TSHZ3: variants seen among roughly 807,000 people sequenced by gnomAD.
TSHZ3 encodes the protein teashirt homolog 3.
TSHZ3 carries 10 observed loss-of-function variants against 64.5 expected under a neutral mutation model. The ratio of observed to expected loss-of-function variants is 0.16; its 90% confidence interval spans 0.10 to 0.26. The LOEUF is 0.26. Among genes scored for constraint, TSHZ3 ranks in the 10% least tolerant of loss-of-function variants. The pLI, the probability that TSHZ3 is intolerant of heterozygous loss-of-function variation, is 1.00. For synonymous variants in TSHZ3, 608 were observed against 593.1 expected, an observed-to-expected ratio of 1.03 and a Z score of -0.36; for missense variants, 1,242 against 1,421.7, an observed-to-expected ratio of 0.87 and a Z score of 2.03.
At chr19:31,182,069 G>A (rs1303146628) in intron 5 of TSHZ3, among the ~76,000 whole-genome samples, 14 of 152,146 alleles carry the variant, frequency 9.2e-5, no homozygotes, top group Admixed American at 3.3e-4. Context: ...CATCCTGAGA[G>A]CCGCATGCTC....
chr19:31,319,368 T>A (rs1477553935), intron 1 of TSHZ3, among the ~76,000 whole-genome samples: 1 of 152,242 alleles, frequency 6.6e-6, no homozygotes, highest in African/African-American at 2.4e-5. Flanking sequence ...CAATAAACAT[T>A]GTAAAGGTTT....
At chr19:31,286,649 A>G (rs1304676657) in intron 1 of TSHZ3, among the ~76,000 whole-genome samples, 1 of 152,160 alleles carries the variant, frequency 6.6e-6, no homozygotes, top group African/African-American at 2.4e-5. Flanking sequence ...AACTCCTAAG[A>G]CCCACACCCG....
At chr19:31,238,411 A>G (rs1233965015) in intron 3 of TSHZ3, among the ~76,000 whole-genome samples, 1 of 151,884 alleles carries the variant, frequency 6.6e-6, no homozygotes, top group Non-Finnish European at 1.5e-5. Flanking sequence ...ACTCACCACT[A>G]CACCTGGCTA....
chr19:31,180,155 T>C (rs935724854), intron 5 of TSHZ3, among the ~76,000 whole-genome samples: 1 of 152,206 alleles, frequency 6.6e-6, no homozygotes, highest in Non-Finnish European at 1.5e-5. Context: ...TGATTATTAC[T>C]GTAGACTAGG....
chr19:31,304,857 C>T (rs1010716370), intron 1 of TSHZ3, among the ~76,000 whole-genome samples: 2 of 152,170 alleles, frequency 1.3e-5, no homozygotes, highest in Middle Eastern at 3.2e-3. Context: ...TTAACTGGAG[C>T]GCGATTCCCC....
chr19:31,311,113 C>T (rs1463328747), intron 1 of TSHZ3, among the ~76,000 whole-genome samples: 2 of 152,202 alleles, frequency 1.3e-5, no homozygotes, highest in African/African-American at 2.4e-5. Context: ...ATTCTCTCTC[C>T]GTCTCAGGCC....
intron 1 of TSHZ3, among the ~76,000 whole-genome samples, chr19:31,294,013 G>A (rs1254794848): frequency 6.6e-6 from 1 of 152,112 alleles, no homozygotes; most frequent in Non-Finnish European, 1.5e-5. Context: ...CCACGTCACA[G>A]AACAGAGACA....
downstream of TSHZ3, among the ~76,000 whole-genome samples, chr19:31,271,793 C>T (rs551443797): frequency 9.1e-4 from 139 of 152,234 alleles, 1 homozygote; most frequent in African/African-American, 3.2e-3. Flanking sequence ...AAAGAAGGCT[C>T]CTGTTTCCAT....
chr19:31,321,651 GCC>G (rs1916774443), intron 1 of TSHZ3, among the ~76,000 whole-genome samples: 1 of 152,150 alleles, frequency 6.6e-6, no homozygotes, highest in Non-Finnish European at 1.5e-5. Flanking sequence ...ACAACAGCAG[GCC>G]CGACGTGGAC....
In TSHZ3 at chr19:31,276,098, CATT is replaced by C. The variant is rs1223700803; in HGVS notation, c.*446_*448del. On this transcript the variant is annotated 3_prime_UTR_variant, in exon 2 of 2. Transcript: ENST00000240587. ...GGAGTTTAAAAAACAGAGCTTCATA[CATT>C]ATTATTATTTTATTTTATTTTTTAA... 1.3e-5 allele frequency: 2 copies of C among 153,158 alleles called. No homozygotes were observed. Among genetic ancestry groups the C allele is most frequent in the Non-Finnish European group, 1.5e-5 (1 of 68,496 alleles). The allele number at this position is 153,158 out of a possible 1,614,324, so 9.5% of individuals were successfully genotyped here. A position where few individuals can be genotyped will look rare whatever the true frequency, so the allele number is the denominator to read the frequency against.
At chr19:31,204,807 G>C (rs891526162) in intron 5 of TSHZ3, 4 of 152,200 alleles carry the variant, frequency 2.6e-5, no homozygotes, top group East Asian at 1.9e-4. Context: ...GGTGCACTGC[G>C]TCTCCTCTGC....
downstream of TSHZ3, among the ~76,000 whole-genome samples, chr19:31,274,205 A>G (rs1312292751): frequency 6.6e-6 from 1 of 151,906 alleles, no homozygotes; most frequent in Non-Finnish European, 1.5e-5. Flanking sequence ...GTATAATTCT[A>G]GGTTAGGAGC....
At chr19:31,281,648 A>G (rs1051737380) in intron 1 of TSHZ3, among the ~76,000 whole-genome samples, 6 of 152,196 alleles carry the variant, frequency 3.9e-5, no homozygotes, top group Non-Finnish European at 7.3e-5. Flanking sequence ...TAGGGCCAAG[A>G]CCAAATGCTT....
At chr19:31,150,002 T>C (rs764229896) in exon 7 of TSHZ3, among the ~76,000 whole-genome samples, 7 of 152,190 alleles carry the variant, frequency 4.6e-5, no homozygotes, top group African/African-American at 2.4e-5. Context: ...AATTATGTAT[T>C]TCATTAAGTA....
At chr19:31,161,478 T>TA in intron 5 of TSHZ3, among the ~76,000 whole-genome samples, 1 of 152,370 alleles carries the variant, frequency 6.6e-6, no homozygotes, top group Admixed American at 6.5e-5. Context: ...GTTTTGGAGA[T>TA]ATGGGATTCA....
chr19:31,224,216 G>A lies in TSHZ3; in HGVS notation n.686+3789C>T, dbSNP rs557919289. Among the ~76,000 whole-genome samples the A allele has an allele frequency of 2.6e-5, 4 of 152,306 alleles. 1 individual carries two copies. In the South Asian group the frequency reaches 8.3e-4, roughly 32 times the overall value. ...ACCATTTGTCTAAACCATGCTGTAT[G>A]CACTCTACTTTCTGATATGTATTGC... On this transcript the variant is annotated intron_variant and non_coding_transcript_variant, in intron 4 of 6. Coordinates refer to the TSHZ3 transcript ENST00000651361.
At chr19:31,204,231 C>A (rs927004675) in intron 5 of TSHZ3, among the ~76,000 whole-genome samples, 1 of 151,840 alleles carries the variant, frequency 6.6e-6, no homozygotes, top group African/African-American at 2.4e-5. Context: ...TTCCTTCCTT[C>A]TTCAATCCCT....
Position 31,276,620 on chromosome 19 carries a change from A to G in TSHZ3, c.3173T>C (p.Leu1058Pro). 6.2e-7 allele frequency: 1 copy of G among 1,608,098 alleles called. No individual in the cohort carries two copies. The highest frequency in any genetic ancestry group is 8.5e-7 in the Non-Finnish European group (1 of 1,175,356). ...RTFASKHAVK[L>P]HLSKTHGKSP... The stretch of plus-strand genomic sequence containing the variant: ...TTTCCCGTGTGTTTTGCTAAGGTGA[A>G]GTTTAACAGCGTGCTTGCTGGCAAA... The change falls in exon 2 of 2, where the codon CTT (leucine) becomes CCT (proline). Residue 1058 changes from leucine to proline, a missense_variant. By Grantham distance (98) the Leu-to-Pro change is moderately conservative (BLOSUM62 -3). This residue lies in a region of TSHZ3 where 126 missense variants were observed against 140.6 expected (regional missense o/e 0.90). Coordinates refer to ENST00000240587, the MANE Select transcript of TSHZ3 (RefSeq NM_020856.4).
intron 1 of TSHZ3, among the ~76,000 whole-genome samples, chr19:31,257,159 A>G (rs764019585): frequency 3.3e-5 from 5 of 152,016 alleles, no homozygotes; most frequent in Non-Finnish European, 5.9e-5. Flanking sequence ...CATTAGAGAG[A>G]ATGGACATTG....
Sources: gnomAD v4.1 joint callset for allele counts (sites outside exome capture counted in the v4.1 genomes callset) on GRCh38, gnomAD v4.1.1 for gene constraint, gnomAD v4.1.1 regional missense constraint, MANE v1.5 for transcripts, NCBI Gene and HGNC (gene_info 2026-07-23, HGNC 2026-07-21) for gene names.